PPP2R5B: variants seen among roughly 807,000 people sequenced by gnomAD.
PPP2R5B encodes serine/threonine-protein phosphatase 2A 56 kDa regulatory subunit beta isoform.
Under a neutral mutation model 59.9 loss-of-function variants are expected in PPP2R5B, and 19 were observed. The ratio of observed to expected loss-of-function variants is 0.32; its 90% CI spans 0.22 to 0.47. The LOEUF (loss-of-function observed/expected upper bound fraction) is 0.47, where lower values mean the gene tolerates loss of function less well. Ranked by LOEUF, PPP2R5B falls within the 20% of genes least tolerant of loss-of-function variation. The probability of loss-of-function intolerance (pLI) is 1.00; values close to 1 mark genes in which losing one functional copy is unlikely to be tolerated. For missense variants in PPP2R5B, 441 were observed against 640.2 expected, an observed-to-expected ratio of 0.69 and a Z score of 3.36; for synonymous variants, 286 against 260.5, an observed-to-expected ratio of 1.10 and a Z score of -0.94.
chr11:64,932,654 G>A, intron 11 of PPP2R5B, 111 bp from the exon 12 acceptor site: 1 of 1,325,342 alleles, frequency 7.5e-7, no homozygotes, highest in African/African-American at 1.5e-5. Context: ...CCTGAAGGTG[G>A]GGTGTGTGAA....
intron 3 of PPP2R5B, among the ~76,000 whole-genome samples, chr11:64,927,436 G>A (rs750696200): frequency 3.9e-5 from 6 of 152,178 alleles, no homozygotes; most frequent in Non-Finnish European, 7.4e-5. Context: ...AATGAGGGCC[G>A]GGAGCAGCAG....
intron 8 of PPP2R5B, 149 bp downstream of exon 8, chr11:64,930,738 C>A: frequency 1.5e-6 from 1 of 679,020 alleles, no homozygotes; most frequent in Non-Finnish European, 2.5e-6. Context: ...TTCCCACTGG[C>A]GCTTTAAGGC....
rs759207412 is a variant in PPP2R5B at position 64,925,906 on chromosome 11, G to C, written c.172G>C (p.Glu58Gln). ...SQFRYQSNQQ[E>Q]LTPLPLLKDV... Reference sequence around the variant, plus strand: ...GTTCCGCTATCAGAGCAACCAGCAAGAGCTCACACCGCTGCCCCTGCTCAA... The same window carrying C: ...GTTCCGCTATCAGAGCAACCAGCAACAGCTCACACCGCTGCCCCTGCTCAA... The change falls in exon 2 of 14, where the codon GAG becomes CAG. Residue 58 changes from glutamate to glutamine, a missense_variant. By Grantham distance (29) the Glu-to-Gln change is conservative. Transcript: ENST00000164133. This position sits in a 1 kb window ranked among gnomAD's most constrained non-coding sequence, Gnocchi z 4.6. The C allele has an allele frequency of 6.2e-7, 1 of 1,612,002 alleles. No individual in the cohort carries two copies. The highest frequency in any genetic ancestry group is 8.5e-7 in the Non-Finnish European group (1 of 1,179,894).
intron 1 of PPP2R5B, chr11:64,918,151 GTC>G (rs1945060725): frequency 6.6e-6 from 1 of 152,198 alleles, no homozygotes; most frequent in Admixed American, 6.5e-5. Flanking sequence ...GTGTCACACA[GTC>G]TTGCTCATTT....
At chr11:64,929,413 C>A (rs1945204866) in intron 6 of PPP2R5B, among the ~76,000 whole-genome samples, 1 of 152,182 alleles carries the variant, frequency 6.6e-6, no homozygotes, top group South Asian at 2.1e-4. Flanking sequence ...AAGCTCTCTC[C>A]TAGTTTGCTC....
chr11:64,928,212 G>A, intron 5 of PPP2R5B, 54 bp downstream of exon 5: 26 of 1,613,420 alleles, frequency 1.6e-5, no homozygotes, highest in Non-Finnish European at 2.2e-5. Context: ...CAGGCTCTCT[G>A]AGGGGCCAGG....
At chr11:64,920,943 C>CTATATATATATATATATATATA (rs59230229), upstream of PPP2R5B, among the ~76,000 whole-genome samples, 2 of 134,928 alleles carry the variant, frequency 1.5e-5, no homozygotes, top group Non-Finnish European at 3.1e-5. Context: ...TCCAGCAGTT[C>CTATATATATATATATATATATA]TATATATATA....
upstream of PPP2R5B, among the ~76,000 whole-genome samples, chr11:64,924,002 G>A (rs1024435445): frequency 2.0e-5 from 3 of 152,200 alleles, no homozygotes; most frequent in Non-Finnish European, 4.4e-5. Flanking sequence ...GTCCAGGGGG[G>A]CTGAAAGGTC....
At chr11:64,932,567 C>G (rs568141682) in intron 11 of PPP2R5B, among the ~76,000 whole-genome samples, 198 bp from the exon 12 acceptor site, 1 of 152,294 alleles carries the variant, frequency 6.6e-6, no homozygotes, top group South Asian at 2.1e-4. Flanking sequence ...GGTTAGGATT[C>G]ACCCCGCAGC....
At chr11:64,921,360 G>A (rs962857860), upstream of PPP2R5B, among the ~76,000 whole-genome samples, 1 of 152,024 alleles carries the variant, frequency 6.6e-6, no homozygotes, top group African/African-American at 2.4e-5. Context: ...GAAGTTTGGG[G>A]TCAGGATTCC....
chr11:64,919,656 T>C (rs1945093242), intron 1 of PPP2R5B, among the ~76,000 whole-genome samples: 2 of 152,034 alleles, frequency 1.3e-5, no homozygotes, highest in Admixed American at 1.3e-4. Context: ...GAGTTTGAAG[T>C]TGCAGTGAAG....
chr11:64,928,332 G>C lies in PPP2R5B; in HGVS notation c.629G>C (p.Arg210Pro). ...TTTGATAGTGAGGATCCCCGGGAGC[G>C]TGAGTACCTCAAGACCATCCTGCAC... ...ELFDSEDPRE[R>P]EYLKTILHRV... is the part of the protein sequence containing the mutation. Residue 210 changes from arginine (R) to proline (P), a missense_variant, in exon 6 of 14, where the codon CGT (arginine) becomes CCT (proline). By Grantham distance (103) the Arg-to-Pro change is moderately radical (BLOSUM62 -2). Coordinates refer to ENST00000164133, the MANE Select transcript of PPP2R5B (RefSeq NM_006244.4). 6.2e-7 allele frequency: 1 copy of C among 1,614,194 alleles called. No homozygotes were observed. The highest frequency in any genetic ancestry group is 8.5e-7 in the Non-Finnish European group (1 of 1,180,032).
At chr11:64,926,132 A>G (rs601047) in intron 2 of PPP2R5B, among the ~76,000 whole-genome samples, 199 bp downstream of exon 2, 144,711 of 152,320 alleles carry the variant, frequency 0.95, 69,168 homozygotes, top group East Asian at 1. Context: ...TGTCATCCTT[A>G]GAGGTGGGAC....
intron 11 of PPP2R5B, among the ~76,000 whole-genome samples, chr11:64,932,498 CTG>C (rs1468937600): frequency 6.6e-6 from 1 of 152,162 alleles, no homozygotes. Flanking sequence ...GATGAGAAAA[CTG>C]AGGCTGGGAG....
At chr11:64,920,891 G>A (rs183077628), upstream of PPP2R5B, among the ~76,000 whole-genome samples, 589 of 150,950 alleles carry the variant, frequency 3.9e-3, 4 homozygotes, top group Non-Finnish European at 6.7e-3. Flanking sequence ...GCCTCCCAAA[G>A]TGCTGGGATT....
chr11:64,934,251 T>A lies in PPP2R5B; in HGVS notation c.*407T>A, dbSNP rs890190294. On this transcript the variant is annotated 3_prime_UTR_variant, in exon 14 of 14. Transcript: ENST00000164133. Reference sequence around the variant, plus strand: ...CACCATGGGGTCCATGGTCTATTTATTCTCGCCCAGCTCACCCTCTACACA... The same window carrying A: ...CACCATGGGGTCCATGGTCTATTTAATCTCGCCCAGCTCACCCTCTACACA... 4.6e-6 allele frequency: 1 copy of A among 215,756 alleles called. No homozygotes were observed. Among genetic ancestry groups the A allele is most frequent in the Admixed American group, 5.2e-5 (1 of 19,172 alleles). 13.4% of individuals were successfully genotyped at this position (215,756 alleles called of 1,614,324 possible).
rs1945264576 is a variant in PPP2R5B at position 64,934,359 on chromosome 11, G to A, written c.*515G>A. 1 of 274,334 alleles carries A rather than the reference G, an allele frequency of 3.6e-6. No homozygotes were observed. Among genetic ancestry groups the A allele is most frequent in the South Asian group, 4.9e-5 (1 of 20,580 alleles). The allele number at this position is 274,334 out of a possible 1,614,324, so 17.0% of individuals were successfully genotyped here. A position where few individuals can be genotyped will look rare whatever the true frequency, so the allele number is the denominator to read the frequency against. ...TTTTATTTATTGGGCAGGGGGAGGG[G>A]GAGGGCACAGGCAAGAAGAGATTCA... On this transcript the variant is annotated 3_prime_UTR_variant, in exon 14 of 14. Transcript: ENST00000164133.
chr11:64,933,546 C>G, intron 13 of PPP2R5B, 151 bp from the exon 14 acceptor site: 1 of 1,036,162 alleles, frequency 9.7e-7, no homozygotes, highest in Non-Finnish European at 1.4e-6. Flanking sequence ...GCTCTCTTCC[C>G]TCAGTAGAGG....
At chr11:64,930,935 A>G (rs1035274651) in intron 8 of PPP2R5B, among the ~76,000 whole-genome samples, 1 of 152,068 alleles carries the variant, frequency 6.6e-6, no homozygotes, top group Non-Finnish European at 1.5e-5. Flanking sequence ...GAGCAGTGGT[A>G]TGAACATGGC....
Sources: gnomAD v4.1 joint callset for allele counts (sites outside exome capture counted in the v4.1 genomes callset) on GRCh38, gnomAD v4.1.1 for gene constraint, Gnocchi (gnomAD v3.1) non-coding constraint, MANE v1.5 for transcripts, NCBI Gene and HGNC (gene_info 2026-07-23, HGNC 2026-07-21) for gene names.